The following PRKCE variants were observed in gnomAD, a reference collection of about 807,000 sequenced individuals.
PRKCE encodes the protein protein kinase C epsilon type.
A neutral mutation model predicts 85.4 loss-of-function variants in PRKCE; 16 were observed. The observed-to-expected ratio is 0.19, with a 90% CI of 0.13 to 0.28. The LOEUF (loss-of-function observed/expected upper bound fraction) is 0.28. Ranked by LOEUF, PRKCE falls within the 10% of genes least tolerant of loss-of-function variation. The pLI is 1.00. For synonymous variants in PRKCE, 388 were observed against 371.5 expected, an observed-to-expected ratio of 1.04 and a Z score of -0.51; for missense variants, 573 against 975.2, an observed-to-expected ratio of 0.59 and a Z score of 5.49.
chr2:45,977,713 C>A lies in PRKCE; in HGVS notation c.572+1125C>A, dbSNP rs185298507. Among the ~76,000 whole-genome samples, 696 of 151,940 alleles carry A rather than the reference C, an allele frequency of 4.6e-3. 3 individuals are homozygous for A. Among genetic ancestry groups the A allele is most frequent in the Non-Finnish European group, 7.1e-3 (481 of 67,942 alleles). On this transcript the variant is annotated intron_variant, in intron 3 of 14. Transcript: ENST00000306156. ...TCGAAGGCCAGCCCCATTCCACTAACAATACCCAGGCTCAGAAATGAAAAT... is the reference window on the plus strand; with the variant it reads ...TCGAAGGCCAGCCCCATTCCACTAAAAATACCCAGGCTCAGAAATGAAAAT...
intron 11 of PRKCE, among the ~76,000 whole-genome samples, chr2:46,119,522 G>A (rs553483881): frequency 7.2e-5 from 11 of 152,240 alleles, no homozygotes; most frequent in African/African-American, 2.4e-4. Context: ...TGTGTTTTCC[G>A]AATTCCCCTA....
intron 1 of PRKCE, among the ~76,000 whole-genome samples, chr2:45,657,653 T>C (rs1675440528): frequency 6.6e-6 from 1 of 152,188 alleles, no homozygotes; most frequent in Admixed American, 6.5e-5. Flanking sequence ...GGCCATCTCA[T>C]TTGGCAAAGA....
intron 1 of PRKCE, among the ~76,000 whole-genome samples, chr2:45,816,305 G>T (rs1225467517): frequency 6.6e-6 from 1 of 152,104 alleles, no homozygotes; most frequent in African/African-American, 2.4e-5. Flanking sequence ...TAGATGACCA[G>T]GCTGAATGAT....
At chr2:45,862,839 C>T (rs758962509) in intron 2 of PRKCE, among the ~76,000 whole-genome samples, 1 of 152,206 alleles carries the variant, frequency 6.6e-6, no homozygotes, top group Non-Finnish European at 1.5e-5. Flanking sequence ...TAATCACCTG[C>T]GCAGGGTGCC....
At chr2:45,798,990 A>G (rs1377481477) in intron 1 of PRKCE, among the ~76,000 whole-genome samples, 1 of 151,984 alleles carries the variant, frequency 6.6e-6, no homozygotes, top group Non-Finnish European at 1.5e-5. Context: ...ACATGGTGAA[A>G]CCCCGTCTCT....
chr2:45,931,538 C>A (rs893814003), intron 2 of PRKCE, among the ~76,000 whole-genome samples: 1 of 152,224 alleles, frequency 6.6e-6, no homozygotes. Flanking sequence ...CACATGCATT[C>A]TTTTGCTTCA....
At chr2:45,956,232 T>G (rs1221357404) in intron 2 of PRKCE, among the ~76,000 whole-genome samples, 1 of 152,242 alleles carries the variant, frequency 6.6e-6, no homozygotes, top group Non-Finnish European at 1.5e-5. Flanking sequence ...TTGAGAGATG[T>G]TTGGATTGCG....
intron 1 of PRKCE, among the ~76,000 whole-genome samples, chr2:45,767,268 T>C (rs1684985345): frequency 6.6e-6 from 1 of 151,360 alleles, no homozygotes; most frequent in Non-Finnish European, 1.5e-5. Context: ...TGATGTTCTT[T>C]GAAACTTTTT....
At chr2:45,978,875 G>A in intron 3 of PRKCE, 101 bp from the exon 4 acceptor site, 1 of 900,438 alleles carries the variant, frequency 1.1e-6, no homozygotes. Flanking sequence ...TCATGTACTT[G>A]GTGCTATGTG....
intron 1 of PRKCE, among the ~76,000 whole-genome samples, chr2:45,725,803 C>T (rs1453707662): frequency 1.3e-5 from 2 of 151,378 alleles, no homozygotes; most frequent in Non-Finnish European, 2.9e-5. Context: ...TGTACTCTAG[C>T]CTCTTGACAG....
intron 1 of PRKCE, among the ~76,000 whole-genome samples, chr2:45,732,279 G>C (rs926457853): frequency 1.3e-5 from 2 of 152,118 alleles, no homozygotes; most frequent in African/African-American, 4.8e-5. Flanking sequence ...TTTTTCTATA[G>C]GTGAGCCCTG....
At chr2:45,745,710 A>T (rs1245998891) in intron 1 of PRKCE, among the ~76,000 whole-genome samples, 1 of 152,176 alleles carries the variant, frequency 6.6e-6, no homozygotes, top group Non-Finnish European at 1.5e-5. Context: ...GACTAGCCTA[A>T]GGGAGACCAC....
At chr2:46,183,012 C>T (rs914225474) in intron 14 of PRKCE, among the ~76,000 whole-genome samples, 1 of 152,216 alleles carries the variant, frequency 6.6e-6, no homozygotes, top group Non-Finnish European at 1.5e-5. Flanking sequence ...CAACAAACCT[C>T]TCTGAGCCAG....
intron 10 of PRKCE, among the ~76,000 whole-genome samples, chr2:46,012,703 A>C (rs946322598): frequency 6.6e-6 from 1 of 152,224 alleles, no homozygotes. Flanking sequence ...GATCATGGGA[A>C]GCCACGTTGA....
At chr2:46,034,772 C>G (rs1301476785) in intron 10 of PRKCE, among the ~76,000 whole-genome samples, 4 of 152,210 alleles carry the variant, frequency 2.6e-5, no homozygotes, top group African/African-American at 9.7e-5. Flanking sequence ...CCTTTGGAGG[C>G]TTGTTGGGAA....
At chr2:46,113,000 C>T (rs1410954450) in intron 11 of PRKCE, among the ~76,000 whole-genome samples, 1 of 152,188 alleles carries the variant, frequency 6.6e-6, no homozygotes, top group Admixed American at 6.5e-5. Flanking sequence ...GTACCCTCCT[C>T]ATAGAGAGAT....
At chr2:46,168,369 A>G (rs7608906) in intron 14 of PRKCE, among the ~76,000 whole-genome samples, 24,007 of 152,182 alleles carry the variant, frequency 0.16, 2,147 homozygotes, top group African/African-American at 0.23. Flanking sequence ...TGATCAAACC[A>G]GAGGACAGCA....
intron 2 of PRKCE, among the ~76,000 whole-genome samples, chr2:45,883,959 C>G (rs193162980): frequency 6.6e-6 from 1 of 152,174 alleles, no homozygotes; most frequent in Non-Finnish European, 1.5e-5. Context: ...ACTGCAGAGT[C>G]GCTCAGAATC....
intron 1 of PRKCE, among the ~76,000 whole-genome samples, chr2:45,679,532 T>G (rs750156831): frequency 6.6e-6 from 1 of 152,204 alleles, no homozygotes; most frequent in African/African-American, 2.4e-5. Context: ...GTAGACAATA[T>G]GGACAGGAAG....
Sources: allele counts gnomAD v4.1 joint callset (sites outside exome capture counted in the v4.1 genomes callset), GRCh38; gene constraint gnomAD v4.1.1; transcripts MANE v1.5; gene names NCBI Gene and HGNC (gene_info 2026-07-23, HGNC 2026-07-21).